Variants in GRAMD1B observed in about 807,000 individuals in gnomAD.
GRAMD1B encodes the protein protein Aster-B.
A neutral mutation model predicts 99.7 loss-of-function variants in GRAMD1B; 37 were observed. The ratio of observed to expected loss-of-function variants is 0.37; its 90% CI spans 0.29 to 0.49. The LOEUF is 0.49. GRAMD1B is among the 20% of genes least tolerant of loss of function. GRAMD1B has a pLI of 0.98. For missense variants in GRAMD1B, 888 were observed against 1,009.2 expected (o/e 0.88, Z 1.63); for synonymous variants, 427 against 387.6 (o/e 1.10, Z -1.19).
At chr11:123,540,091 A>T (rs1189700449) in intron 2 of GRAMD1B, among the ~76,000 whole-genome samples, 4 of 149,098 alleles carry the variant, frequency 2.7e-5, no homozygotes, top group African/African-American at 7.4e-5. Flanking sequence ...TTTTTTTGAG[A>T]TAAGGTTTCT....
chr11:123,416,786 A>C (rs901297607), intron 1 of GRAMD1B, among the ~76,000 whole-genome samples: 1 of 152,182 alleles, frequency 6.6e-6, no homozygotes, highest in Non-Finnish European at 1.5e-5. Context: ...GTAACCATGG[A>C]CTTTTTTTTT....
chr11:123,437,555 T>C (rs912616631), intron 1 of GRAMD1B, among the ~76,000 whole-genome samples: 5 of 152,178 alleles, frequency 3.3e-5, no homozygotes, highest in Admixed American at 6.5e-5. Flanking sequence ...CTGGCTGTTA[T>C]GTCCCTTCTT....
intron 10 of GRAMD1B, among the ~76,000 whole-genome samples, chr11:123,605,701 T>A (rs1296822148): frequency 2.0e-5 from 3 of 152,166 alleles, no homozygotes; most frequent in African/African-American, 7.2e-5. Flanking sequence ...AAGACTGGGT[T>A]TGACTTCTGA....
rs1367187432 is a variant in GRAMD1B at position 123,577,670 on chromosome 11, TC to T, written c.663+94del. On this transcript the variant is annotated intron_variant, in intron 3 of 19. Transcript: ENST00000635736. ...AGCCGGAGAACATCTGCGAGGGTCCTCACGTGATGAACAGCCCTGATGGCTC... is the reference window on the plus strand; with the variant it reads ...AGCCGGAGAACATCTGCGAGGGTCCTACGTGATGAACAGCCCTGATGGCTC... The T allele has an allele frequency of 2.8e-5, 26 of 938,674 alleles. No homozygotes were observed. The East Asian group carries it at 6.6e-4, about 24-fold the overall frequency. The allele number at this position is 938,674 out of a possible 1,614,324, so 58.1% of individuals were successfully genotyped here. A position where few individuals can be genotyped will look rare whatever the true frequency, so the allele number is the denominator to read the frequency against.
At position 123,625,842 on chromosome 11, in the gene GRAMD1B, G is replaced by A. The variant is rs954169914; in HGVS notation, c.*3247G>A. 2.6e-5 allele frequency: 4 copies of A among 152,032 alleles called. No individual in the cohort carries two copies. The highest frequency in any genetic ancestry group is 2.1e-4 in the South Asian group (1 of 4,806). 9.4% of individuals were successfully genotyped at this position (152,032 alleles called of 1,614,324 possible). A position where few individuals can be genotyped will look rare whatever the true frequency, so the allele number is the denominator to read the frequency against. On this transcript the variant is annotated 3_prime_UTR_variant, in exon 20 of 20. Transcript: ENST00000635736. The stretch of plus-strand genomic sequence containing the variant: ...AGAGGCTGAAGCTTCCCAGTATTTA[G>A]AGGTGTGGTAGGGCAGTGTCTGCAT...
intron 1 of GRAMD1B, among the ~76,000 whole-genome samples, chr11:123,411,151 C>T (rs1247770992): frequency 6.6e-6 from 1 of 151,974 alleles, no homozygotes; most frequent in Non-Finnish European, 1.5e-5. Context: ...ACTATAGGCG[C>T]CCGCCACCAC....
intron 19 of GRAMD1B, chr11:123,619,637 A>AGAG: frequency 1.4e-5 from 5 of 364,854 alleles, no homozygotes; most frequent in Non-Finnish European, 1.9e-5. Context: ...TCTGACAGTC[A>AGAG]GTGGCACTGC....
intron 2 of GRAMD1B, among the ~76,000 whole-genome samples, chr11:123,569,857 G>C (rs565287241): frequency 1.4e-4 from 22 of 152,340 alleles, no homozygotes; most frequent in Middle Eastern, 3.4e-3. Flanking sequence ...GGACAGAGGA[G>C]GTGCTTGTGA....
chr11:123,608,771 G>A lies in GRAMD1B; in HGVS notation c.1626G>A (p.Gln542=). Reference sequence around the variant, plus strand: ...TCCTCTTCACCAACTCGCCCTTCCAGCGGGATTTCATGGAGCAGCGGCGCT... The same window carrying A: ...TCCTCTTCACCAACTCGCCCTTCCAACGGGATTTCATGGAGCAGCGGCGCT... ...YDLLFTNSPF[Q]RDFMEQRRFS... The change falls in exon 12 of 20, where the codon CAG becomes CAA. Residue 542 remains glutamine (Q), a synonymous_variant. Transcript: ENST00000635736. 6.4e-7 allele frequency: 1 copy of A among 1,551,710 alleles called. No individual in the cohort carries two copies. The highest frequency in any genetic ancestry group is 8.7e-7 in the Non-Finnish European group (1 of 1,147,080).
rs976935980 is a variant in GRAMD1B, at chr11:123,519,074, G to C, written c.452+38181G>C. ...GCCACCCTTTGCTAGCCCTCTGGCC[G>C]GGTGCCTGCCCTGCACAGCGCTGTT... is the stretch of plus-strand genomic sequence containing the variant. On this transcript the variant is annotated intron_variant, in intron 2 of 19. Coordinates refer to ENST00000635736, the MANE Select transcript of GRAMD1B (RefSeq NM_001387025.1). Among the ~76,000 whole-genome samples the C allele has an allele frequency of 2.0e-5, 3 of 152,208 alleles. No homozygotes were observed. In the South Asian group the frequency reaches 6.2e-4, roughly 31 times the overall value.
At chr11:123,420,196 G>C (rs1376407072) in intron 1 of GRAMD1B, among the ~76,000 whole-genome samples, 1 of 152,138 alleles carries the variant, frequency 6.6e-6, no homozygotes, top group East Asian at 1.9e-4. Context: ...ACATAGTGGA[G>C]ACTTAGGCTC....
At chr11:123,454,114 A>G (rs1167986272) in intron 1 of GRAMD1B, among the ~76,000 whole-genome samples, 1 of 152,208 alleles carries the variant, frequency 6.6e-6, no homozygotes, top group African/African-American at 2.4e-5. Context: ...AGACTGGGAC[A>G]AGCGTTCTTT....
chr11:123,452,852 C>T (rs1184987117), intron 1 of GRAMD1B, among the ~76,000 whole-genome samples: 1 of 152,104 alleles, frequency 6.6e-6, no homozygotes, highest in Admixed American at 6.5e-5. Context: ...CCCTTTTTGC[C>T]AGATGTAGAA....
intron 2 of GRAMD1B, among the ~76,000 whole-genome samples, chr11:123,486,055 C>T (rs575884019): frequency 1.3e-5 from 2 of 152,300 alleles, no homozygotes; most frequent in South Asian, 4.2e-4. Context: ...TAGTGTTACT[C>T]AACCCTCAAC....
At chr11:123,506,465 C>T (rs1940438174) in intron 2 of GRAMD1B, among the ~76,000 whole-genome samples, 1 of 151,704 alleles carries the variant, frequency 6.6e-6, no homozygotes, top group African/African-American at 2.4e-5. Context: ...GAAAGTAATA[C>T]CCAGGGTAAA....
At chr11:123,417,836 C>G (rs962282039) in intron 1 of GRAMD1B, among the ~76,000 whole-genome samples, 1 of 152,132 alleles carries the variant, frequency 6.6e-6, no homozygotes, top group African/African-American at 2.4e-5. Context: ...ACTCGGGAGG[C>G]TGAGTATAAG....
rs1330804699 is a variant in GRAMD1B, at chr11:123,560,392, G to A, written c.453-16975G>A. 11 of 1,174,654 alleles carry A rather than the reference G, an allele frequency of 9.4e-6. No homozygotes were observed. The East Asian group carries it at 6.1e-4, about 65-fold the overall frequency. The allele number at this position is 1,174,654 out of a possible 1,614,324, so 72.8% of individuals were successfully genotyped here. A position where few individuals can be genotyped will look rare whatever the true frequency, so the allele number is the denominator to read the frequency against. ...CAGCAGCAGAGGGAGGTGGGGGAGA[G>A]GGAAATAAAGGGGAGTCATGCTTAA... is the stretch of plus-strand genomic sequence containing the variant. On this transcript the variant is annotated intron_variant, in intron 2 of 19. Transcript: ENST00000635736.
Position 123,627,236 on chromosome 11 carries a change from G to T in GRAMD1B, c.*4641G>T, listed in dbSNP as rs563326388. On this transcript the variant is annotated 3_prime_UTR_variant, in exon 20 of 20. Transcript: ENST00000635736. ...AAGCAAAAGGGTGGCCTCTGCTCCA[G>T]GCAAGGCAGCTGGCTCTGTCTGGGG... 1.1e-4 allele frequency: 17 copies of T among 152,424 alleles called. No individual in the cohort carries two copies. The allele number at this position is 152,424 out of a possible 1,614,324, so 9.4% of individuals were successfully genotyped here.
chr11:123,413,241 T>C (rs1565482914), intron 1 of GRAMD1B, among the ~76,000 whole-genome samples: 1 of 152,190 alleles, frequency 6.6e-6, no homozygotes, highest in Non-Finnish European at 1.5e-5. Flanking sequence ...TTTCCTGCTC[T>C]CCAAACCAAC....
Sources: allele counts gnomAD v4.1 joint callset (sites outside exome capture counted in the v4.1 genomes callset), GRCh38; gene constraint gnomAD v4.1.1; transcripts MANE v1.5; gene names NCBI Gene and HGNC (gene_info 2026-07-23, HGNC 2026-07-21).